The following SCHIP1 variants were observed in gnomAD, a reference collection of about 807,000 sequenced individuals.
SCHIP1 encodes the protein schwannomin-interacting protein 1.
In SCHIP1, 8 loss-of-function variants were observed where a neutral mutation model predicts 29.7. The observed-to-expected ratio is 0.27, with a 90% CI of 0.16 to 0.49. SCHIP1 has a LOEUF of 0.49. SCHIP1 is among the 20% of genes least tolerant of loss of function. The pLI is 0.99. For synonymous variants in SCHIP1, 76 were observed against 94.9 expected (o/e 0.80, Z 1.16); for missense variants, 193 against 294.6 (o/e 0.66, Z 2.52).
chr3:159,380,212 C>T, the SCHIP1 span, among the ~76,000 whole-genome samples: 1 of 152,174 alleles, frequency 6.6e-6, no homozygotes, highest in African/African-American at 2.4e-5. Context: ...CCTACACTCC[C>T]AAGAAGGTGA....
At chr3:159,599,534 G>T in the SCHIP1 span, among the ~76,000 whole-genome samples, 6 of 152,114 alleles carry the variant, frequency 3.9e-5, no homozygotes, top group African/African-American at 1.4e-4. Context: ...ATATTACTTA[G>T]AATAAGGGTC....
At chr3:159,699,943 C>T in the SCHIP1 span, among the ~76,000 whole-genome samples, 4 of 152,144 alleles carry the variant, frequency 2.6e-5, no homozygotes, top group African/African-American at 9.7e-5. Flanking sequence ...GAAGAGATCT[C>T]ATGTGCCTGA....
chr3:159,330,074 G>C, the SCHIP1 span, among the ~76,000 whole-genome samples: 1 of 152,114 alleles, frequency 6.6e-6, no homozygotes, highest in Non-Finnish European at 1.5e-5. Flanking sequence ...AGGACACTAG[G>C]AGGTGAACAC....
At chr3:159,656,759 A>C in the SCHIP1 span, among the ~76,000 whole-genome samples, 1 of 152,194 alleles carries the variant, frequency 6.6e-6, no homozygotes, top group Non-Finnish European at 1.5e-5. Flanking sequence ...TCAGCAGCTC[A>C]TTCAGGTTTT....
At chr3:159,607,765 A>C in the SCHIP1 span, among the ~76,000 whole-genome samples, 3 of 152,168 alleles carry the variant, frequency 2.0e-5, no homozygotes, top group Admixed American at 1.3e-4. Flanking sequence ...GAGGGTTGTG[A>C]AGAATGAGGG....
At chr3:159,436,694 G>A in the SCHIP1 span, among the ~76,000 whole-genome samples, 1 of 152,146 alleles carries the variant, frequency 6.6e-6, no homozygotes, top group Admixed American at 6.6e-5. Flanking sequence ...TACTTGAAAG[G>A]TATCTGCAAA....
At chr3:159,756,894 T>A in the SCHIP1 span, among the ~76,000 whole-genome samples, 1 of 152,208 alleles carries the variant, frequency 6.6e-6, no homozygotes, top group Non-Finnish European at 1.5e-5. Flanking sequence ...TTGCTCCAGT[T>A]CCCAACAAGT....
chr3:159,843,001 C>CTTGTTTTTTTTTT (rs1744394617), intron 1 of SCHIP1, among the ~76,000 whole-genome samples: 1 of 63,710 alleles, frequency 1.6e-5, no homozygotes, highest in Non-Finnish European at 3.3e-5. Flanking sequence ...ATATTTCTTT[C>CTTGTTTTTTTTTT]TTTTTTTTTT....
At chr3:159,487,591 T>C in the SCHIP1 span, among the ~76,000 whole-genome samples, 1 of 152,182 alleles carries the variant, frequency 6.6e-6, no homozygotes, top group East Asian at 1.9e-4. Flanking sequence ...GCCTGAGGTG[T>C]TGCTGTGAAT....
chr3:159,346,984 A>G, the SCHIP1 span, among the ~76,000 whole-genome samples: 14 of 151,184 alleles, frequency 9.3e-5, no homozygotes, highest in African/African-American at 3.4e-4. Context: ...ATGACTTCCA[A>G]TGAATCCGAG....
intron 5 of SCHIP1, among the ~76,000 whole-genome samples, chr3:159,891,783 CT>C (rs1481783150): frequency 6.6e-6 from 1 of 152,166 alleles, no homozygotes; most frequent in Non-Finnish European, 1.5e-5. Flanking sequence ...GTGCTCCAGG[CT>C]TTGCTGTTCA....
At chr3:159,782,691 A>T in the SCHIP1 span, among the ~76,000 whole-genome samples, 1 of 152,224 alleles carries the variant, frequency 6.6e-6, no homozygotes, top group Non-Finnish European at 1.5e-5. Context: ...GCTGGAAGTG[A>T]TTGTAATGAT....
the SCHIP1 span, among the ~76,000 whole-genome samples, chr3:159,564,790 T>C: frequency 1.3e-5 from 2 of 152,360 alleles, no homozygotes; most frequent in South Asian, 2.1e-4. Flanking sequence ...TTGTTTCATA[T>C]GGCAGTACTT....
chr3:159,355,010 T>C, the SCHIP1 span, among the ~76,000 whole-genome samples: 1 of 152,170 alleles, frequency 6.6e-6, no homozygotes, highest in Admixed American at 6.6e-5. Context: ...TCTAAACTTT[T>C]GGCTGTATTT....
chr3:159,510,909 G>A, the SCHIP1 span, among the ~76,000 whole-genome samples: 1 of 152,230 alleles, frequency 6.6e-6, no homozygotes, highest in East Asian at 1.9e-4. Context: ...AGGCTACTCA[G>A]GGGTCAGTGA....
chr3:159,572,990 T>C, the SCHIP1 span, among the ~76,000 whole-genome samples: 1 of 152,112 alleles, frequency 6.6e-6, no homozygotes, highest in African/African-American at 2.4e-5. Flanking sequence ...TCCTTTTATT[T>C]TGAGCCTATG....
the SCHIP1 span, among the ~76,000 whole-genome samples, chr3:159,325,759 A>G: frequency 2.6e-5 from 4 of 152,092 alleles, no homozygotes; most frequent in Admixed American, 6.5e-5. Context: ...CCTACTCAAG[A>G]AACAAAGCAC....
chr3:159,674,133 C>T, the SCHIP1 span, among the ~76,000 whole-genome samples: 5 of 152,302 alleles, frequency 3.3e-5, no homozygotes, highest in East Asian at 5.8e-4. Flanking sequence ...GTAATGGGCA[C>T]GCTCCATTTA....
chr3:159,339,816 C>T, the SCHIP1 span, among the ~76,000 whole-genome samples: 3 of 152,070 alleles, frequency 2.0e-5, no homozygotes, highest in Non-Finnish European at 4.4e-5. Context: ...TCTCCTTTTT[C>T]ACTTATTCTT....
Sources: gnomAD v4.1 joint callset for allele counts (sites outside exome capture counted in the v4.1 genomes callset) on GRCh38, gnomAD v4.1.1 for gene constraint, MANE v1.5 for transcripts, NCBI Gene and HGNC (gene_info 2026-07-23, HGNC 2026-07-21) for gene names.